Variants in RALGAPB observed in about 807,000 individuals in gnomAD.
RALGAPB encodes the protein Ral GTPase activating protein non-catalytic subunit beta.
RALGAPB carries 25 observed loss-of-function variants against 161.1 expected under a neutral mutation model. That is an observed-to-expected ratio of 0.16 (90% CI 0.11 to 0.22). The LOEUF is 0.22. Among genes scored for constraint, RALGAPB ranks in the 10% least tolerant of loss-of-function variants. RALGAPB has a pLI of 1.00. For synonymous variants in RALGAPB, 629 were observed against 626.1 expected, an observed-to-expected ratio of 1.00 and a Z score of -0.07; for missense variants, 1,391 against 1,815.2, an observed-to-expected ratio of 0.77 and a Z score of 4.25.
intron 1 of RALGAPB, among the ~76,000 whole-genome samples, chr20:38,477,845 C>T (rs559331277): frequency 4.7e-4 from 72 of 152,232 alleles, no homozygotes; most frequent in Middle Eastern, 3.4e-3. Flanking sequence ...GCCAGGTCAC[C>T]GAGTGCGGTG....
chr20:38,498,091 G>GA (rs2085479782), intron 4 of RALGAPB, among the ~76,000 whole-genome samples: 12 of 132,248 alleles, frequency 9.1e-5, no homozygotes, highest in African/African-American at 3.1e-4. Flanking sequence ...AAAAAGAAAA[G>GA]AAACAATTAA....
chr20:38,502,155 G>A (rs2085614975), intron 5 of RALGAPB, among the ~76,000 whole-genome samples: 1 of 152,114 alleles, frequency 6.6e-6, no homozygotes, highest in African/African-American at 2.4e-5. Flanking sequence ...TAATTTTGTA[G>A]CCACTTCCTG....
At chr20:38,516,734 C>T (rs1183976152) in intron 7 of RALGAPB, 1 of 166,314 alleles carries the variant, frequency 6.0e-6, no homozygotes, top group Non-Finnish European at 1.3e-5. Flanking sequence ...AGTGTTCATG[C>T]ATACTAGCTA....
At chr20:38,571,354 C>T (rs1454043385) in intron 28 of RALGAPB, among the ~76,000 whole-genome samples, 1 of 152,170 alleles carries the variant, frequency 6.6e-6, no homozygotes, top group African/African-American at 2.4e-5. Context: ...CTTTATACCA[C>T]CTTTTGGCTA....
At chr20:38,532,578 T>TG in intron 14 of RALGAPB, 152 bp from the exon 15 acceptor site, 1 of 895,450 alleles carries the variant, frequency 1.1e-6, no homozygotes, top group Non-Finnish European at 1.7e-6. Flanking sequence ...AATACCACAG[T>TG]GGTTTTAATC....
At chr20:38,550,947 G>C (rs995032480) in intron 20 of RALGAPB, 124 bp from the exon 21 acceptor site, 2 of 1,114,412 alleles carry the variant, frequency 1.8e-6, no homozygotes, top group African/African-American at 3.1e-5. Flanking sequence ...TGCAGGTTCT[G>C]AGTGAGTTTT....
chr20:38,570,214 T>A (rs1352375296), intron 27 of RALGAPB, among the ~76,000 whole-genome samples: 1 of 152,298 alleles, frequency 6.6e-6, no homozygotes, highest in East Asian at 1.9e-4. Flanking sequence ...TTGTGAAGAT[T>A]CGATGAGACC....
chr20:38,509,041 A>T, intron 5 of RALGAPB, 36 bp from the exon 6 acceptor site: 1 of 1,604,186 alleles, frequency 6.2e-7, no homozygotes, highest in Non-Finnish European at 8.5e-7. Flanking sequence ...TCAATCTGTT[A>T]AGAAATGGAC....
At chr20:38,531,141 A>C in intron 13 of RALGAPB, 26 bp from the exon 14 acceptor site, 1 of 1,549,018 alleles carries the variant, frequency 6.5e-7, no homozygotes, top group East Asian at 2.2e-5. Flanking sequence ...TATTTTATAT[A>C]AAATACTGTT....
In RALGAPB at chr20:38,493,048, A is replaced by T; in HGVS notation, c.305A>T (p.Asp102Val). 1.2e-6 allele frequency: 2 copies of T among 1,611,632 alleles called. No homozygotes were observed. Among genetic ancestry groups the T allele is most frequent in the South Asian group, 1.1e-5 (1 of 91,036 alleles). ...ATTATGGCTTTAGTGTTGCCAAAAGATTCTATTCCATTGCCAGTTATTAAA... is the reference window on the plus strand; with the variant it reads ...ATTATGGCTTTAGTGTTGCCAAAAGTTTCTATTCCATTGCCAGTTATTAAA... ...DWIMALVLPK[D>V]SIPLPVIKEP... The change falls in exon 3 of 30, where the codon GAT becomes GTT. Residue 102 changes from aspartate to valine, a missense_variant. Transcript: ENST00000262879.
rs758838040 is a variant in RALGAPB at position 38,565,365 on chromosome 20, T to G, written c.3704T>G (p.Ile1235Ser). The G allele has an allele frequency of 3.1e-6, 5 of 1,612,942 alleles. No individual in the cohort carries two copies. Among genetic ancestry groups the G allele is most frequent in the Non-Finnish European group, 2.5e-6 (3 of 1,179,372 alleles). Residue 1235 changes from isoleucine to serine, a missense_variant, in exon 25 of 30, where the codon ATT becomes AGT. Physicochemically the swap from Ile to Ser is moderately radical, Grantham distance 142 (BLOSUM62 -2). Coordinates refer to ENST00000262879, the MANE Select transcript of RALGAPB (RefSeq NM_020336.4). ...DDGEGSQQEV[I>S]SSEDIGASIF... ...TGTTTCTTTTTCCCAGAAGAAGTGA[T>G]TTCCTCTGAAGATATTGGAGCTAGC... is the stretch of plus-strand genomic sequence containing the variant.
Position 38,537,598 on chromosome 20 carries a change from G to A in RALGAPB, c.2380-2178G>A, listed in dbSNP as rs547546345. Among the ~76,000 whole-genome samples the A allele has an allele frequency of 2.6e-5, 4 of 152,282 alleles. No homozygotes were observed. The East Asian group carries it at 5.8e-4, about 22-fold the overall frequency. ...TTGGACTTCAAAATTTAAAACTGCT[G>A]TTCTTTAGTAAACACTGTTAAAAGA... On this transcript the variant is annotated intron_variant, in intron 16 of 29. Transcript: ENST00000262879.
At chr20:38,485,718 T>C (rs1048802375) in intron 1 of RALGAPB, among the ~76,000 whole-genome samples, 1 of 151,904 alleles carries the variant, frequency 6.6e-6, no homozygotes, top group Non-Finnish European at 1.5e-5. Context: ...TGAGCCAGAG[T>C]TGAGTTTTAT....
At chr20:38,547,543 T>C (rs1449509439) in intron 19 of RALGAPB, 1 of 152,240 alleles carries the variant, frequency 6.6e-6, no homozygotes, top group African/African-American at 2.4e-5. Context: ...TTTGCCTTCT[T>C]GCCTTTGTAA....
In RALGAPB at chr20:38,530,393, G is replaced by A. The variant is rs114298320; in HGVS notation, c.2051-774G>A. ...GTATGGTCTGTAAGTGTTTGTGTAC[G>A]TAAGTTTTTTGATAAATTTTAGCTT... On this transcript the variant is annotated intron_variant, in intron 13 of 29. Transcript: ENST00000262879. 2.7e-3 allele frequency among the ~76,000 whole-genome samples: 404 copies of A among 152,058 alleles called. 1 individual carries two copies. Among genetic ancestry groups the A allele is most frequent in the African/African-American group, 9.3e-3 (384 of 41,480 alleles).
At position 38,577,698 on chromosome 20, in the gene RALGAPB, G is replaced by GACACACACACACACAC. The variant is rs56716236; in HGVS notation, c.*2750_*2765dup. On this transcript the variant is annotated 3_prime_UTR_variant, in exon 30 of 30. Transcript: ENST00000262879. ...ATTGGGCCTTTGAAAGGACTAATCA[G>GACACACACACACACAC]ACACACACACACACACACACACACA... The GACACACACACACACAC allele has an allele frequency of 5.9e-4, 86 of 146,334 alleles. 1 individual carries two copies. The highest frequency in any genetic ancestry group is 1.8e-3 in the African/African-American group (70 of 39,366). The allele number at this position is 146,334 out of a possible 1,614,324, so 9.1% of individuals were successfully genotyped here.
chr20:38,498,927 G>A (rs1344840559), intron 4 of RALGAPB, among the ~76,000 whole-genome samples: 1 of 152,202 alleles, frequency 6.6e-6, no homozygotes, highest in Non-Finnish European at 1.5e-5. Context: ...ATGGGTGTTT[G>A]TTGTGATTCC....
chr20:38,533,588 T>G (rs1446374239), intron 15 of RALGAPB, among the ~76,000 whole-genome samples: 1 of 152,188 alleles, frequency 6.6e-6, no homozygotes, highest in Non-Finnish European at 1.5e-5. Flanking sequence ...GTTCATGAGG[T>G]TCATGAGGCA....
chr20:38,569,797 C>G, intron 26 of RALGAPB, 91 bp from the exon 27 acceptor site: 1 of 924,584 alleles, frequency 1.1e-6, no homozygotes, highest in South Asian at 1.4e-5. Context: ...TCACTGAGCA[C>G]CTTGACAAAT....
Sources: allele counts gnomAD v4.1 joint callset (sites outside exome capture counted in the v4.1 genomes callset), GRCh38; gene constraint gnomAD v4.1.1; transcripts MANE v1.5; gene names NCBI Gene and HGNC (gene_info 2026-07-23, HGNC 2026-07-21).